GASK1B: variants seen among roughly 807,000 people sequenced by gnomAD.
GASK1B encodes golgi associated kinase 1B, also known as Golgi-associated kinase 1B.
Under a neutral mutation model 42.8 loss-of-function variants are expected in GASK1B, and 34 were observed. The ratio of observed to expected loss-of-function variants is 0.79; its 90% CI spans 0.60 to 1.06. The LOEUF (loss-of-function observed/expected upper bound fraction) is 1.06. Ranked by LOEUF, GASK1B falls within the 50% of genes least tolerant of loss-of-function variation. GASK1B has a pLI of 0.00. For synonymous variants in GASK1B, 262 were observed against 259.1 expected, an observed-to-expected ratio of 1.01 and a Z score of -0.11; for missense variants, 686 against 661.0, an observed-to-expected ratio of 1.04 and a Z score of -0.42.
rs1280122851 is a variant in GASK1B at position 158,171,474 on chromosome 4, T to A, written c.-99A>T. ...CCTGACTTCAGCTGCCGCGTCCGCT[T>A]CGGGATATAAGTGGTCTCCAGTGGG... is the stretch of plus-strand genomic sequence containing the variant. On this transcript the variant is annotated 5_prime_UTR_variant, in exon 2 of 5. Coordinates refer to ENST00000585682, the MANE Select transcript of GASK1B (RefSeq NM_001128424.2). 1.4e-6 allele frequency: 2 copies of A among 1,382,030 alleles called. No individual in the cohort carries two copies. Among genetic ancestry groups the A allele is most frequent in the Non-Finnish European group, 1.9e-6 (2 of 1,042,474 alleles). 85.6% of individuals were successfully genotyped at this position (1,382,030 alleles called of 1,614,324 possible).
At chr4:158,161,810 G>C (rs908576401) in intron 2 of GASK1B, among the ~76,000 whole-genome samples, 1 of 152,188 alleles carries the variant, frequency 6.6e-6, no homozygotes, top group African/African-American at 2.4e-5. Flanking sequence ...TCCAGTTAAA[G>C]GAGCCACGAA....
At chr4:158,138,914 G>C (rs1341445461) in intron 3 of GASK1B, among the ~76,000 whole-genome samples, 1 of 152,050 alleles carries the variant, frequency 6.6e-6, no homozygotes, top group East Asian at 1.9e-4. Flanking sequence ...TATACATATA[G>C]AATTTTCCCT....
rs1300676324 is a variant in GASK1B, at chr4:158,157,671, G to A, written c.911-1846C>T. 3.9e-5 allele frequency among the ~76,000 whole-genome samples: 6 copies of A among 152,052 alleles called. No individual in the cohort carries two copies. The East Asian group carries it at 9.6e-4, about 24-fold the overall frequency. On this transcript the variant is annotated intron_variant, in intron 2 of 4. Transcript: ENST00000585682. ...TGCTCAGGGCTAGAAAGTAATCAAA[G>A]GGAGTTGAAACCTAACAGTGAACTT...
chr4:158,155,474 C>A, intron 3 of GASK1B, 137 bp downstream of exon 3: 1 of 759,736 alleles, frequency 1.3e-6, no homozygotes. Flanking sequence ...GCCAAAACCA[C>A]AATTACTTTT....
chr4:158,142,242 C>A (rs1452673859), intron 3 of GASK1B, among the ~76,000 whole-genome samples: 1 of 152,222 alleles, frequency 6.6e-6, no homozygotes, highest in Non-Finnish European at 1.5e-5. Flanking sequence ...CCGCGCCCGG[C>A]CGATGTTGTG....
intron 2 of GASK1B, among the ~76,000 whole-genome samples, chr4:158,164,372 A>T (rs1453880155): frequency 6.6e-6 from 1 of 152,180 alleles, no homozygotes; most frequent in African/African-American, 2.4e-5. Context: ...AGAGTGTGGG[A>T]CCAAGGACAA....
chr4:158,155,274 G>A (rs965374786), intron 3 of GASK1B, among the ~76,000 whole-genome samples: 1 of 152,120 alleles, frequency 6.6e-6, no homozygotes, highest in Non-Finnish European at 1.5e-5. Flanking sequence ...ATTTTGAAAT[G>A]GCCCTGCCAA....
rs778431431 is a variant in GASK1B at position 158,171,064 on chromosome 4, G to A, written c.312C>T (p.Pro104=). The A allele has an allele frequency of 6.8e-6, 11 of 1,611,930 alleles. No individual in the cohort carries two copies. Among genetic ancestry groups the A allele is most frequent in the African/African-American group, 1.3e-5 (1 of 74,882 alleles). ...ESQGNGSTLQ[P]NVVYITLRSK... ...AGCGTAGGGTAATGTACACCACATTGGGCTGCAGAGTGGACCCATTGCCCT... is the reference window on the plus strand; with the variant it reads ...AGCGTAGGGTAATGTACACCACATTAGGCTGCAGAGTGGACCCATTGCCCT... The change falls in exon 2 of 5, where the codon CCC becomes CCT. Residue 104 remains proline, a synonymous_variant. Transcript: ENST00000585682.
At position 158,170,742 on chromosome 4, in the gene GASK1B, C is replaced by A. The variant is rs1454030117; in HGVS notation, c.634G>T (p.Ala212Ser). The change falls in exon 2 of 5, where the codon GCC becomes TCC. Residue 212 changes from alanine (A) to serine (S), a missense_variant. By Grantham distance (99) the Ala-to-Ser change is moderately conservative (BLOSUM62 1). Coordinates refer to ENST00000585682, the MANE Select transcript of GASK1B (RefSeq NM_001128424.2). ...TCATCTTTGCTCAGCCAGGAGGGGG[C>A]GCTCTCGCTGTAGATCCTAATGTTG... ...ESNIRIYSES[A>S]PSWLSKDDIR... The A allele has an allele frequency of 1.9e-6, 3 of 1,614,100 alleles. No individual in the cohort carries two copies. Among genetic ancestry groups the A allele is most frequent in the African/African-American group, 1.3e-5 (1 of 74,940 alleles).
chr4:158,141,600 T>TAA (rs1560780625), intron 3 of GASK1B, among the ~76,000 whole-genome samples: 1 of 109,550 alleles, frequency 9.1e-6, no homozygotes, highest in East Asian at 2.7e-4. Flanking sequence ...TATTTACCTT[T>TAA]TTTTTTTTTT....
At chr4:158,144,654 C>T (rs1731263406) in intron 3 of GASK1B, among the ~76,000 whole-genome samples, 1 of 152,092 alleles carries the variant, frequency 6.6e-6, no homozygotes, top group South Asian at 2.1e-4. Flanking sequence ...ATACATTGTT[C>T]TCAAAACCCT....
chr4:158,171,033 G>T lies in GASK1B; in HGVS notation c.343C>A (p.Arg115Ser). 1 of 1,613,950 alleles carries T rather than the reference G, an allele frequency of 6.2e-7. No individual in the cohort carries two copies. Reference protein sequence around the residue: ...NVVYITLRSKRSKPANIRGTV... With the variant: ...NVVYITLRSKSSKPANIRGTV... ...CCACGGATATTGGCCGGCTTGCTGC[G>T]CTTGGAGCGTAGGGTAATGTACACC... Residue 115 changes from arginine (R) to serine (S), a missense_variant, in exon 2 of 5, where the codon CGC (arginine) becomes AGC (serine). Transcript: ENST00000585682.
At position 158,171,391 on chromosome 4, in the gene GASK1B, A is replaced by T; in HGVS notation, c.-16T>A. ...GACAGGTCATTTCTCTGCCGCATCC[A>T]CATGTTGAACGGAGTTTAAAGTCTG... On this transcript the variant is annotated 5_prime_UTR_variant, in exon 2 of 5. Coordinates refer to ENST00000585682, the MANE Select transcript of GASK1B (RefSeq NM_001128424.2). The T allele has an allele frequency of 4.5e-6, 7 of 1,539,872 alleles. No homozygotes were observed. Among genetic ancestry groups the T allele is most frequent in the Non-Finnish European group, 6.1e-6 (7 of 1,140,388 alleles).
rs386473726 is a variant in GASK1B at position 158,126,989 on chromosome 4, G to A, written c.*418C>T. Reference sequence around the variant, plus strand: ...TGTTAACAATCAGCAACAGAAAAACGTCAAGAATTGTTCCCATTAGTATTT... The same window carrying A: ...TGTTAACAATCAGCAACAGAAAAACATCAAGAATTGTTCCCATTAGTATTT... On this transcript the variant is annotated 3_prime_UTR_variant, in exon 5 of 5. Transcript: ENST00000585682. The A allele has an allele frequency of 7.6e-4, 122 of 161,320 alleles. 2 individuals carry two copies. The South Asian group carries it at 0.019, about 25-fold the overall frequency. The allele number at this position is 161,320 out of a possible 1,614,324, so 10.0% of individuals were successfully genotyped here.
At chr4:158,168,897 G>GTCT (rs1732337874) in intron 2 of GASK1B, 1 of 152,048 alleles carries the variant, frequency 6.6e-6, no homozygotes, top group Non-Finnish European at 1.5e-5. Flanking sequence ...AGTCAGTGTG[G>GTCT]GCCTGTTGTC....
intron 3 of GASK1B, among the ~76,000 whole-genome samples, chr4:158,153,895 T>C (rs1402169821): frequency 6.6e-6 from 1 of 152,028 alleles, no homozygotes; most frequent in African/African-American, 2.4e-5. Flanking sequence ...TCTGAAACCA[T>C]AAAAATTCCA....
chr4:158,130,511 A>G (rs1382023349), intron 4 of GASK1B, among the ~76,000 whole-genome samples: 1 of 152,120 alleles, frequency 6.6e-6, no homozygotes, highest in Non-Finnish European at 1.5e-5. Flanking sequence ...CAAAACCCAC[A>G]TGGATTTTCA....
chr4:158,137,954 T>A (rs893828859), intron 3 of GASK1B, among the ~76,000 whole-genome samples: 1 of 152,180 alleles, frequency 6.6e-6, no homozygotes, highest in Non-Finnish European at 1.5e-5. Flanking sequence ...GTAAAGAGCA[T>A]TCATTGCTCT....
At chr4:158,162,444 G>T (rs995433096) in intron 2 of GASK1B, among the ~76,000 whole-genome samples, 18 of 152,118 alleles carry the variant, frequency 1.2e-4, no homozygotes, top group Non-Finnish European at 2.1e-4. Context: ...AATGTTCATG[G>T]ATAGCTCTTA....
Sources: gnomAD v4.1 joint callset for allele counts (sites outside exome capture counted in the v4.1 genomes callset) on GRCh38, gnomAD v4.1.1 for gene constraint, MANE v1.5 for transcripts, NCBI Gene and HGNC (gene_info 2026-07-23, HGNC 2026-07-21) for gene names.